SLC2A13: variants seen among roughly 807,000 people sequenced by gnomAD.
SLC2A13 encodes proton myo-inositol cotransporter.
A neutral mutation model predicts 64.4 loss-of-function variants in SLC2A13; 32 were observed. That is an observed-to-expected ratio of 0.50 (90% CI 0.37 to 0.67). SLC2A13 has a LOEUF of 0.67. Ranked by LOEUF, SLC2A13 falls within the 30% of genes least tolerant of loss-of-function variation. SLC2A13 has a pLI of 0.00. For synonymous variants in SLC2A13, 338 were observed against 327.1 expected (o/e 1.03, Z -0.36); for missense variants, 743 against 829.2 (o/e 0.90, Z 1.28).
intron 3 of SLC2A13, among the ~76,000 whole-genome samples, chr12:39,964,484 A>G (rs1946471415): frequency 6.6e-6 from 1 of 152,246 alleles, no homozygotes; most frequent in Non-Finnish European, 1.5e-5. Flanking sequence ...ATAGATAAGA[A>G]GCATAAATGG....
chr12:39,850,540 A>G (rs148973456), intron 6 of SLC2A13, among the ~76,000 whole-genome samples: 140 of 152,296 alleles, frequency 9.2e-4, no homozygotes, highest in African/African-American at 3.1e-3. Flanking sequence ...AAACATACAC[A>G]CTTAAGTTAT....
chr12:39,780,778 C>T lies in SLC2A13; in HGVS notation c.1446-15920G>A, dbSNP rs182770800. On this transcript the variant is annotated intron_variant, in intron 7 of 9. Transcript: ENST00000280871. ...AGGCAGTCTTTTAATAATACATACA[C>T]GAAAACATGGAGCTACATAATGATT... Among the ~76,000 whole-genome samples the T allele has an allele frequency of 1.1e-4, 16 of 152,142 alleles. 1 individual carries two copies. Among genetic ancestry groups the T allele is most frequent in the African/African-American group, 2.4e-4 (10 of 41,514 alleles).
In SLC2A13 at chr12:40,105,634, C is replaced by A; in HGVS notation, c.175G>T (p.Gly59Cys). The change falls in exon 1 of 10, where the codon GGC (glycine) becomes TGC (cysteine). Residue 59 changes from glycine (G) to cysteine (C), a missense_variant. Physicochemically the swap from Gly to Cys is radical, Grantham distance 159. This residue lies in a region of SLC2A13 where 448 missense variants were observed against 447.4 expected (regional missense o/e 1.00). Coordinates refer to ENST00000280871, the MANE Select transcript of SLC2A13 (RefSeq NM_052885.4). The surrounding 1 kb of genome is among the most constrained non-coding windows in gnomAD (Gnocchi z 4.2). ...TSLQSAGAGG[G>C]GVGDLERAAR... The stretch of plus-strand genomic sequence containing the variant: ...GCGCGCTCCAGGTCCCCGACGCCGC[C>A]GCCGCCCGCGCCCGCGCTCTGCAGG... 1 of 1,485,100 alleles carries A rather than the reference C, an allele frequency of 6.7e-7. No individual in the cohort carries two copies. The allele number at this position is 1,485,100 out of a possible 1,614,324, so 92.0% of individuals were successfully genotyped here.
chr12:40,097,676 A>G (rs1025521668), intron 1 of SLC2A13, among the ~76,000 whole-genome samples: 2 of 152,236 alleles, frequency 1.3e-5, no homozygotes, highest in Non-Finnish European at 2.9e-5. Flanking sequence ...CCAAACCACC[A>G]TATCACTTCA....
intron 6 of SLC2A13, among the ~76,000 whole-genome samples, chr12:39,844,099 C>T (rs994988688): frequency 6.6e-6 from 1 of 152,026 alleles, no homozygotes; most frequent in Non-Finnish European, 1.5e-5. Context: ...CTTACTTTCT[C>T]TCTTCATATT....
intron 7 of SLC2A13, among the ~76,000 whole-genome samples, chr12:39,810,977 T>C (rs1942140463): frequency 6.6e-6 from 1 of 152,138 alleles, no homozygotes; most frequent in Non-Finnish European, 1.5e-5. Context: ...TCTGCCCTTT[T>C]CTGAAAGAGT....
intron 7 of SLC2A13, among the ~76,000 whole-genome samples, chr12:39,790,285 A>G (rs1247109329): frequency 6.6e-6 from 1 of 150,946 alleles, no homozygotes; most frequent in Admixed American, 6.6e-5. Context: ...TTAGTTACAT[A>G]TGTATACATG....
intron 6 of SLC2A13, among the ~76,000 whole-genome samples, chr12:39,851,117 C>G (rs759668530): frequency 2.6e-5 from 4 of 152,072 alleles, no homozygotes; most frequent in Non-Finnish European, 4.4e-5. Flanking sequence ...CCAGGCTGGT[C>G]TCGAACTCCC....
At chr12:39,774,061 C>G (rs1312230801) in intron 7 of SLC2A13, among the ~76,000 whole-genome samples, 2 of 152,120 alleles carry the variant, frequency 1.3e-5, no homozygotes, top group Non-Finnish European at 1.5e-5. Context: ...AAAGTTAACC[C>G]TAATAGTTCT....
At chr12:39,986,957 G>T (rs1947043130) in intron 3 of SLC2A13, among the ~76,000 whole-genome samples, 1 of 152,140 alleles carries the variant, frequency 6.6e-6, no homozygotes, top group Non-Finnish European at 1.5e-5. Flanking sequence ...AAGGATATCA[G>T]CAATTGAGGG....
intron 1 of SLC2A13, among the ~76,000 whole-genome samples, chr12:40,104,258 T>C (rs1049087638): frequency 2.2e-4 from 34 of 152,216 alleles, no homozygotes; most frequent in African/African-American, 7.7e-4. Context: ...CTTAGAAAAA[T>C]TACTAGTGAG....
At chr12:39,882,163 G>A (rs1005059616) in intron 4 of SLC2A13, among the ~76,000 whole-genome samples, 1 of 151,948 alleles carries the variant, frequency 6.6e-6, no homozygotes, top group South Asian at 2.1e-4. Context: ...CTTACTATGT[G>A]AGTACTCTAT....
chr12:40,011,851 A>G (rs936374904), intron 3 of SLC2A13, among the ~76,000 whole-genome samples: 12 of 152,190 alleles, frequency 7.9e-5, no homozygotes, highest in African/African-American at 2.9e-4. Flanking sequence ...AAAAATTACA[A>G]CTCTGAAGAC....
At chr12:39,835,257 C>T (rs2135858543) in intron 6 of SLC2A13, among the ~76,000 whole-genome samples, 1 of 152,030 alleles carries the variant, frequency 6.6e-6, no homozygotes, top group East Asian at 1.9e-4. Context: ...CATTGTCTAA[C>T]AATCCACCCA....
intron 7 of SLC2A13, among the ~76,000 whole-genome samples, chr12:39,822,202 G>T (rs1942539829): frequency 6.6e-6 from 1 of 151,716 alleles, no homozygotes; most frequent in South Asian, 2.1e-4. Flanking sequence ...AGTTTACTGA[G>T]AATGATGATT....
intron 7 of SLC2A13, among the ~76,000 whole-genome samples, chr12:39,778,759 G>A (rs1467809993): frequency 6.6e-6 from 1 of 152,076 alleles, no homozygotes; most frequent in African/African-American, 2.4e-5. Context: ...CATCCTTTGA[G>A]ATACCAAAAC....
chr12:40,007,920 C>T (rs1947453069), intron 3 of SLC2A13, among the ~76,000 whole-genome samples: 1 of 152,142 alleles, frequency 6.6e-6, no homozygotes, highest in Non-Finnish European at 1.5e-5. Flanking sequence ...AACGCCTTAT[C>T]TATATTACTT....
intron 4 of SLC2A13, among the ~76,000 whole-genome samples, chr12:39,944,902 T>C (rs1946109584): frequency 6.6e-6 from 1 of 152,216 alleles, no homozygotes; most frequent in African/African-American, 2.4e-5. Context: ...CTGGGTACTT[T>C]GGTTTTTGTT....
chr12:40,019,957 T>C (rs1947685100), intron 3 of SLC2A13, among the ~76,000 whole-genome samples: 1 of 152,178 alleles, frequency 6.6e-6, no homozygotes, highest in Admixed American at 6.5e-5. Context: ...TAATAGGTGT[T>C]AATAAGTGAG....
Sources: allele counts gnomAD v4.1 joint callset (sites outside exome capture counted in the v4.1 genomes callset), GRCh38; gene constraint gnomAD v4.1.1; regional missense constraint gnomAD v4.1.1; non-coding constraint Gnocchi (gnomAD v3.1); transcripts MANE v1.5; gene names NCBI Gene and HGNC (gene_info 2026-07-23, HGNC 2026-07-21).